NCKAP1: variants seen among roughly 807,000 people sequenced by gnomAD.
The protein encoded by NCKAP1 is nck-associated protein 1.
Under a neutral mutation model 151.2 loss-of-function variants are expected in NCKAP1, and 21 were observed. The observed-to-expected ratio is 0.14, with a 90% CI of 0.10 to 0.20. The LOEUF (loss-of-function observed/expected upper bound fraction) is 0.20, where lower values mean the gene tolerates loss of function less well. NCKAP1 is among the 10% of genes least tolerant of loss of function. NCKAP1 has a pLI of 1.00. For synonymous variants in NCKAP1, 484 were observed against 451.8 expected, an observed-to-expected ratio of 1.07 and a Z score of -0.90; for missense variants, 933 against 1,352.1, an observed-to-expected ratio of 0.69 and a Z score of 4.86.
chr2:182,964,220 C>G (rs1337916922), intron 17 of NCKAP1, among the ~76,000 whole-genome samples: 2 of 151,960 alleles, frequency 1.3e-5, no homozygotes, highest in African/African-American at 4.8e-5. Context: ...TGTATGTATC[C>G]CACAAGTATC....
At chr2:183,007,271 G>T (rs2105880226) in intron 2 of NCKAP1, among the ~76,000 whole-genome samples, 1 of 152,220 alleles carries the variant, frequency 6.6e-6, no homozygotes, top group Non-Finnish European at 1.5e-5. Flanking sequence ...CTAGCTATGG[G>T]TCATTATTCT....
At chr2:182,992,829 TCA>T (rs1395450979) in intron 8 of NCKAP1, among the ~76,000 whole-genome samples, 8 of 152,206 alleles carry the variant, frequency 5.3e-5, no homozygotes, top group Non-Finnish European at 1.2e-4. Context: ...CATAAATATT[TCA>T]CAGTGATTTT....
At chr2:182,927,923 A>T (rs1291235590) in intron 29 of NCKAP1, among the ~76,000 whole-genome samples, 194 bp downstream of exon 29, 2 of 152,036 alleles carry the variant, frequency 1.3e-5, no homozygotes, top group Admixed American at 1.3e-4. Flanking sequence ...CTCCCTCCAA[A>T]AAAGAAAATA....
At chr2:183,026,696 T>C (rs1007373846) in intron 1 of NCKAP1, among the ~76,000 whole-genome samples, 5 of 152,104 alleles carry the variant, frequency 3.3e-5, no homozygotes, top group Non-Finnish European at 5.9e-5. Flanking sequence ...GGACCTGGAA[T>C]ATATTACAAA....
intron 13 of NCKAP1, among the ~76,000 whole-genome samples, chr2:182,980,664 T>G (rs1016318182): frequency 3.7e-4 from 57 of 152,246 alleles, no homozygotes; most frequent in African/African-American, 1.3e-3. Flanking sequence ...AATGGGAATG[T>G]CTATATGAAA....
chr2:183,028,051 T>C (rs897162859), intron 1 of NCKAP1, among the ~76,000 whole-genome samples: 1 of 152,096 alleles, frequency 6.6e-6, no homozygotes, highest in Non-Finnish European at 1.5e-5. Flanking sequence ...AAAGACGTAA[T>C]CAAAAGATTT....
At chr2:182,977,029 A>G in intron 14 of NCKAP1, 78 bp from the exon 15 acceptor site, 1 of 1,011,926 alleles carries the variant, frequency 9.9e-7, no homozygotes, top group Non-Finnish European at 1.4e-6. Context: ...TTAAATTTTA[A>G]GAGCTAAGAC....
At chr2:183,012,807 T>G (rs1698614434) in intron 2 of NCKAP1, among the ~76,000 whole-genome samples, 1 of 149,664 alleles carries the variant, frequency 6.7e-6, no homozygotes, top group South Asian at 2.1e-4. Context: ...TATTCTTTAG[T>G]AGAGACAGGG....
intron 20 of NCKAP1, among the ~76,000 whole-genome samples, chr2:182,954,831 A>G (rs1697292155): frequency 6.6e-6 from 1 of 152,108 alleles, no homozygotes; most frequent in Non-Finnish European, 1.5e-5. Flanking sequence ...AATCTTTCCA[A>G]GGTAAACAAG....
chr2:182,958,379 G>A lies in NCKAP1; in HGVS notation c.1882-783C>T, dbSNP rs184505154. On this transcript the variant is annotated intron_variant, in intron 18 of 30. Coordinates refer to ENST00000361354, the MANE Select transcript of NCKAP1 (RefSeq NM_013436.5). ...GGCTGGTCTCGAACTCCTGACCTCA[G>A]GAGATCCACCTGCCTCGGCCTCCCA... 4.5e-4 allele frequency among the ~76,000 whole-genome samples: 69 copies of A among 152,200 alleles called. 2 individuals are homozygous for A. The East Asian group carries it at 5.6e-3, about 12-fold the overall frequency.
intron 23 of NCKAP1, among the ~76,000 whole-genome samples, chr2:182,947,369 C>T (rs1358360227): frequency 1.3e-5 from 2 of 152,172 alleles, no homozygotes; most frequent in Non-Finnish European, 1.5e-5. Flanking sequence ...CCATGCCCTA[C>T]TTTGAGAAGG....
rs1376126267 is a variant in NCKAP1, at chr2:182,976,963, G to T, written c.1424-12C>A. On this transcript the variant is annotated splice_polypyrimidine_tract_variant and intron_variant, in intron 14 of 30. Transcript: ENST00000361354. ...TTCCCCATCTTCAACTGTAGTAATA[G>T]AAAAAAAAAAAAGATTACAAAGCAA... 1 of 1,173,770 alleles carries T rather than the reference G, an allele frequency of 8.5e-7. No homozygotes were observed. The highest frequency in any genetic ancestry group is 1.1e-6 in the Non-Finnish European group (1 of 875,732). The allele number at this position is 1,173,770 out of a possible 1,614,324, so 72.7% of individuals were successfully genotyped here.
At chr2:183,021,986 T>G (rs895558527) in intron 2 of NCKAP1, among the ~76,000 whole-genome samples, 2 of 152,096 alleles carry the variant, frequency 1.3e-5, no homozygotes, top group African/African-American at 4.8e-5. Context: ...AAATATCGAT[T>G]TTGTGCTTCA....
Position 182,914,685 on chromosome 2 carries a change from G to A in NCKAP1, c.*11017C>T, listed in dbSNP as rs922441466. ...TGAGGGGTTCTATTACTAATTTGAAGAGTAAAAAGAGTAAAAAGGAACAAA... is the reference window on the plus strand; with the variant it reads ...TGAGGGGTTCTATTACTAATTTGAAAAGTAAAAAGAGTAAAAAGGAACAAA... On this transcript the variant is annotated 3_prime_UTR_variant, in exon 31 of 31. Transcript: ENST00000361354. 6.6e-6 allele frequency: 1 copy of A among 152,102 alleles called. No individual in the cohort carries two copies. The highest frequency in any genetic ancestry group is 6.5e-5 in the Admixed American group (1 of 15,268). The allele number at this position is 152,102 out of a possible 1,614,324, so 9.4% of individuals were successfully genotyped here. A position where few individuals can be genotyped will look rare whatever the true frequency, so the allele number is the denominator to read the frequency against.
At chr2:183,024,028 T>G in intron 1 of NCKAP1, 112 bp from the exon 2 acceptor site, 1 of 812,970 alleles carries the variant, frequency 1.2e-6, no homozygotes, top group East Asian at 2.6e-5. Context: ...GGTGAGCAGG[T>G]GATAAAATGA....
chr2:182,914,857 GGAGGGATGCTTTGGGTGCTCA>G lies in NCKAP1; in HGVS notation c.*10824_*10844del, dbSNP rs1180438404. On this transcript the variant is annotated 3_prime_UTR_variant, in exon 31 of 31. Coordinates refer to ENST00000361354, the MANE Select transcript of NCKAP1 (RefSeq NM_013436.5). ...AATGATTTTTCCTCTTTGTTCTTGTGGAGGGATGCTTTGGGTGCTCAGAGGAGCATTGACTACCTTTTCCAT... is the reference window on the plus strand; with the variant it reads ...AATGATTTTTCCTCTTTGTTCTTGTGGAGGAGCATTGACTACCTTTTCCAT... 4 of 152,134 alleles carry G rather than the reference GGAGGGATGCTTTGGGTGCTCA, an allele frequency of 2.6e-5. No individual in the cohort carries two copies. Among genetic ancestry groups the G allele is most frequent in the Admixed American group, 6.5e-5 (1 of 15,268 alleles). The allele number at this position is 152,134 out of a possible 1,614,324, so 9.4% of individuals were successfully genotyped here.
chr2:182,925,672 T>C lies in NCKAP1; in HGVS notation c.*30A>G, dbSNP rs940429461. ...ACAGGTAAAACCAAGGCAACAAAAA[T>C]GCGTGCTTATCTTGATTAAGTAGGT... is the stretch of plus-strand genomic sequence containing the variant. On this transcript the variant is annotated 3_prime_UTR_variant, in exon 31 of 31. Transcript: ENST00000361354. 1 of 1,366,746 alleles carries C rather than the reference T, an allele frequency of 7.3e-7. No homozygotes were observed. The highest frequency in any genetic ancestry group is 1.0e-6 in the Non-Finnish European group (1 of 994,902). The allele number at this position is 1,366,746 out of a possible 1,614,324, so 84.7% of individuals were successfully genotyped here.
chr2:182,977,722 C>T (rs1201165241), intron 14 of NCKAP1, among the ~76,000 whole-genome samples: 1 of 152,046 alleles, frequency 6.6e-6, no homozygotes, highest in Non-Finnish European at 1.5e-5. Flanking sequence ...GGAAATGGCA[C>T]ACTGTTGTTC....
rs1206185622 is a variant in NCKAP1, at chr2:182,909,132, GTTTAT to G, written c.*16565_*16569del. The G allele has an allele frequency of 1.3e-5, 2 of 152,272 alleles. No individual in the cohort carries two copies. Among genetic ancestry groups the G allele is most frequent in the African/African-American group, 2.4e-5 (1 of 41,546 alleles). 9.4% of individuals were successfully genotyped at this position (152,272 alleles called of 1,614,324 possible). ...ACATTTAGGCTATTTCAAGATAATG[GTTTAT>G]TTTGACACCACCAAAAGGAATGTAG... On this transcript the variant is annotated 3_prime_UTR_variant, in exon 31 of 31. Coordinates refer to ENST00000361354, the MANE Select transcript of NCKAP1 (RefSeq NM_013436.5).
Sources: gnomAD v4.1 joint callset for allele counts (sites outside exome capture counted in the v4.1 genomes callset) on GRCh38, gnomAD v4.1.1 for gene constraint, MANE v1.5 for transcripts, NCBI Gene and HGNC (gene_info 2026-07-23, HGNC 2026-07-21) for gene names.